The following SERPINE2 variants were observed in gnomAD, a reference collection of about 807,000 sequenced individuals.
SERPINE2 encodes the protein serpin family E member 2.
SERPINE2 carries 14 observed loss-of-function variants against 36.3 expected under a neutral mutation model. The ratio of observed to expected loss-of-function variants is 0.39; its 90% CI spans 0.25 to 0.60. The LOEUF (loss-of-function observed/expected upper bound fraction) is 0.60. SERPINE2 is among the 20% of genes least tolerant of loss of function. The probability of loss-of-function intolerance (pLI) is 0.57; values close to 1 mark genes in which losing one functional copy is unlikely to be tolerated. For missense variants in SERPINE2, 418 were observed against 499.6 expected (o/e 0.84, Z 1.56); for synonymous variants, 192 against 191.8 (o/e 1.00, Z -0.01).
intron 1 of SERPINE2, among the ~76,000 whole-genome samples, chr2:224,005,054 T>TATTATATA (rs1463665813): frequency 0.1 from 2,507 of 24,812 alleles, 115 homozygotes; most frequent in Non-Finnish European, 0.17. Context: ...ATTTTATATA[T>TATTATATA]TTTATATATA....
chr2:223,985,000 C>G, intron 4 of SERPINE2, 50 bp from the exon 5 acceptor site: 1 of 1,547,924 alleles, frequency 6.5e-7, no homozygotes, highest in Non-Finnish European at 8.9e-7. Flanking sequence ...CTTCTAGAAG[C>G]AGGATGAGTG....
chr2:223,988,382 G>A (rs1056702959), intron 4 of SERPINE2, among the ~76,000 whole-genome samples: 1 of 151,314 alleles, frequency 6.6e-6, no homozygotes, highest in Non-Finnish European at 1.5e-5. Flanking sequence ...ATGTTGCCGA[G>A]GATCATCTTG....
chr2:224,009,917 T>G (rs1442117523), intron 1 of SERPINE2, among the ~76,000 whole-genome samples: 1 of 152,280 alleles, frequency 6.6e-6, no homozygotes. Flanking sequence ...TGACAGTAAT[T>G]GTTAATGTAC....
At position 224,031,544 on chromosome 2, in the gene SERPINE2, C is replaced by T. The variant is rs557786358; in HGVS notation, c.-23+7555G>A. 33 of 979,836 alleles carry T rather than the reference C, an allele frequency of 3.4e-5. No homozygotes were observed. In the African/African-American group the frequency reaches 4.4e-4, roughly 13 times the overall value. The allele number at this position is 979,836 out of a possible 1,614,324, so 60.7% of individuals were successfully genotyped here. A position where few individuals can be genotyped will look rare whatever the true frequency, so the allele number is the denominator to read the frequency against. Reference sequence around the variant, plus strand: ...TCCTCCGCCCACAGCCATTGGTACACGGAAGGGCATGTGACCACGTGACCT... The same window carrying T: ...TCCTCCGCCCACAGCCATTGGTACATGGAAGGGCATGTGACCACGTGACCT... On this transcript the variant is annotated intron_variant, in intron 1 of 8. Transcript: ENST00000409304.
chr2:224,001,507 G>A (rs1395679793), intron 2 of SERPINE2, 135 bp downstream of exon 2: 4 of 942,296 alleles, frequency 4.2e-6, no homozygotes, highest in Non-Finnish European at 6.2e-6. Context: ...CTGACCCCAA[G>A]CCCCAAGTGG....
intron 1 of SERPINE2, among the ~76,000 whole-genome samples, chr2:224,014,406 C>A (rs950424779): frequency 6.6e-6 from 1 of 152,062 alleles, no homozygotes. Flanking sequence ...AGAAAAATTC[C>A]AGGGAGAACC....
In SERPINE2 at chr2:223,991,920, T is replaced by C. The variant is rs1277431278; in HGVS notation, c.568A>G (p.Lys190Glu). The change falls in exon 4 of 9, where the codon AAG becomes GAG. Residue 190 changes from lysine (K) to glutamate (E), a missense_variant. Physicochemically the swap from Lys to Glu is moderately conservative, Grantham distance 56. Coordinates refer to ENST00000409304, the MANE Select transcript of SERPINE2 (RefSeq NM_001136528.2). ...TGGAACCGTGATTTCCACAGACCCT[T>C]GAAATACACTGCGTTGACGAGGACC... ...RLVLVNAVYF[K>E]GLWKSRFQPE... 6.2e-7 allele frequency: 1 copy of C among 1,613,048 alleles called. No individual in the cohort carries two copies. The highest frequency in any genetic ancestry group is 8.5e-7 in the Non-Finnish European group (1 of 1,179,540).
At chr2:224,005,175 C>T (rs3948261) in intron 1 of SERPINE2, among the ~76,000 whole-genome samples, 101,586 of 148,088 alleles carry the variant, frequency 0.69, 35,244 homozygotes, top group Non-Finnish European at 0.75. Flanking sequence ...GTCACAAGGA[C>T]AGTCTCCCAA....
chr2:223,977,528 G>A lies in SERPINE2; in HGVS notation c.1156+16C>T, dbSNP rs766078173. ...TTCTAACAGAGAGGGCATGATGGAAGAGGAGAGTCACTTACCTGTAGGATT... is the reference window on the plus strand; with the variant it reads ...TTCTAACAGAGAGGGCATGATGGAAAAGGAGAGTCACTTACCTGTAGGATT... On this transcript the variant is annotated intron_variant, in intron 8 of 8. Coordinates refer to ENST00000409304, the MANE Select transcript of SERPINE2 (RefSeq NM_001136528.2). The A allele has an allele frequency of 3.9e-6, 6 of 1,529,592 alleles. No homozygotes were observed. Among genetic ancestry groups the A allele is most frequent in the Non-Finnish European group, 5.4e-6 (6 of 1,102,986 alleles). The allele number at this position is 1,529,592 out of a possible 1,614,324, so 94.8% of individuals were successfully genotyped here. A position where few individuals can be genotyped will look rare whatever the true frequency, so the allele number is the denominator to read the frequency against.
chr2:224,020,842 T>C (rs940330260), intron 1 of SERPINE2, among the ~76,000 whole-genome samples: 1 of 152,226 alleles, frequency 6.6e-6, no homozygotes, highest in African/African-American at 2.4e-5. Context: ...TACAATCAAA[T>C]GCTGTCTTAA....
chr2:223,983,263 C>A (rs906307042), intron 5 of SERPINE2, among the ~76,000 whole-genome samples: 1 of 151,990 alleles, frequency 6.6e-6, no homozygotes, highest in Non-Finnish European at 1.5e-5. Flanking sequence ...TTTTGGGATT[C>A]TTTTTTTTGA....
chr2:224,007,085 A>G (rs527800055), intron 1 of SERPINE2, among the ~76,000 whole-genome samples: 1 of 152,236 alleles, frequency 6.6e-6, no homozygotes, highest in African/African-American at 2.4e-5. Flanking sequence ...TCTACCTAAT[A>G]AATTCTTTTT....
chr2:224,038,574 GC>G, intron 1 of SERPINE2: 3 of 1,451,166 alleles, frequency 2.1e-6, no homozygotes, highest in Non-Finnish European at 2.8e-6. Flanking sequence ...TAAATCGGCT[GC>G]CAGAGGCCAA....
chr2:224,001,760 A>G lies in SERPINE2; in HGVS notation c.141T>C (p.Pro47=). 1 of 1,614,108 alleles carries G rather than the reference A, an allele frequency of 6.2e-7. No individual in the cohort carries two copies. Among genetic ancestry groups the G allele is most frequent in the Non-Finnish European group, 8.5e-7 (1 of 1,180,020 alleles). Residue 47 remains proline (P), a synonymous_variant, in exon 2 of 9, where the codon CCT becomes CCC. Transcript: ENST00000409304. ...GGGGAGAGATCACGATGTTGTCATG[A>G]GGCCTCGACTTCACAATCTGATTGA... ...QVFNQIVKSR[P]HDNIVISPHG...
chr2:223,993,484 C>T (rs765404866), intron 3 of SERPINE2, among the ~76,000 whole-genome samples: 1 of 151,752 alleles, frequency 6.6e-6, no homozygotes, highest in Non-Finnish European at 1.5e-5. Flanking sequence ...ATCAGTAATG[C>T]CCAAAGCTAT....
chr2:224,026,829 A>G (rs1431591051), intron 1 of SERPINE2, among the ~76,000 whole-genome samples: 6 of 152,152 alleles, frequency 3.9e-5, no homozygotes, highest in African/African-American at 1.4e-4. Flanking sequence ...ACACCTTTCC[A>G]AAGTTGTCCA....
intron 5 of SERPINE2, among the ~76,000 whole-genome samples, chr2:223,983,839 G>A (rs750876818): frequency 2.0e-5 from 3 of 151,308 alleles, no homozygotes; most frequent in Non-Finnish European, 2.9e-5. Context: ...CTAAGGAGAC[G>A]TGGGCAGATT....
At position 223,980,319 on chromosome 2, in the gene SERPINE2, G is replaced by C; in HGVS notation, c.1064C>G (p.Ala355Gly). The change falls in exon 7 of 9, where the codon GCA becomes GGA. Residue 355 changes from alanine to glycine, a missense_variant. Transcript: ENST00000409304. ...EVSEDGTKAS[A>G]ATTAILIARS... Reference sequence around the variant, plus strand: ...CGTGACCCAGTGCTTACTTGTTGCTGCTGAAGCTTTGGTTCCATCTTCACT... The same window carrying C: ...CGTGACCCAGTGCTTACTTGTTGCTCCTGAAGCTTTGGTTCCATCTTCACT... 1 of 1,613,868 alleles carries C rather than the reference G, an allele frequency of 6.2e-7. No homozygotes were observed. Among genetic ancestry groups the C allele is most frequent in the South Asian group, 1.1e-5 (1 of 91,074 alleles).
At chr2:223,986,397 C>G (rs575621609) in intron 4 of SERPINE2, among the ~76,000 whole-genome samples, 1 of 152,088 alleles carries the variant, frequency 6.6e-6, no homozygotes, top group Non-Finnish European at 1.5e-5. Flanking sequence ...TTCTGTCTTG[C>G]GGCAACCTAA....
Sources: gnomAD v4.1 joint callset for allele counts (sites outside exome capture counted in the v4.1 genomes callset) on GRCh38, gnomAD v4.1.1 for gene constraint, MANE v1.5 for transcripts, NCBI Gene and HGNC (gene_info 2026-07-23, HGNC 2026-07-21) for gene names.